The following ZNF124 variants were observed in gnomAD, a reference collection of about 807,000 sequenced individuals.
ZNF124 encodes zinc finger protein 124.
In ZNF124, 25 loss-of-function variants were observed where a neutral mutation model predicts 26.6. The observed-to-expected ratio is 0.94, with a 90% CI of 0.68 to 1.31. The LOEUF is 1.31. Ranked by LOEUF, ZNF124 falls within the 40% of genes most tolerant of loss-of-function variation. The pLI, the probability that ZNF124 is intolerant of heterozygous loss-of-function variation, is 0.00. For synonymous variants in ZNF124, 129 were observed against 133.3 expected (o/e 0.97, Z 0.22); for missense variants, 444 against 422.2 (o/e 1.05, Z -0.45).
rs772161870 is a variant in ZNF124 at position 247,168,820 on chromosome 1, A to G, written c.30+3028T>C. Among the ~76,000 whole-genome samples the G allele has an allele frequency of 1.1e-4, 16 of 152,062 alleles. No individual in the cohort carries two copies. Among genetic ancestry groups the G allele is most frequent in the Non-Finnish European group, 2.1e-4 (14 of 68,020 alleles). Reference sequence around the variant, plus strand: ...AGCTAAGCTATGAGGTTACAAAGGCATAAGAATGATATAATGGACCTTGGT... The same window carrying G: ...AGCTAAGCTATGAGGTTACAAAGGCGTAAGAATGATATAATGGACCTTGGT... On this transcript the variant is annotated intron_variant, in intron 1 of 3. Coordinates refer to ENST00000543802, the MANE Select transcript of ZNF124 (RefSeq NM_001297568.2). This position sits in a 1 kb window ranked among gnomAD's most constrained non-coding sequence, Gnocchi z 4.0.
intron 3 of ZNF124, among the ~76,000 whole-genome samples, chr1:247,137,751 A>G (rs1672521928): frequency 6.6e-6 from 1 of 152,186 alleles, no homozygotes; most frequent in Non-Finnish European, 1.5e-5. Flanking sequence ...AGGAACTTAA[A>G]TATATTTACA....
intron 3 of ZNF124, among the ~76,000 whole-genome samples, chr1:247,127,607 T>C (rs1672239087): frequency 6.9e-6 from 1 of 145,740 alleles, no homozygotes; most frequent in African/African-American, 2.5e-5. Flanking sequence ...TGACCGGTTG[T>C]GTTATCTATA....
At chr1:247,157,458 G>T (rs200466043) in intron 3 of ZNF124, 55 bp from the exon 4 acceptor site, 1 of 1,504,466 alleles carries the variant, frequency 6.6e-7, no homozygotes, top group Non-Finnish European at 9.1e-7. Context: ...GCATTCATGT[G>T]GTTTTACTCT....
rs962739767 is a variant in ZNF124 at position 247,168,328 on chromosome 1, A to C, written c.30+3520T>G. 1.3e-5 allele frequency among the ~76,000 whole-genome samples: 2 copies of C among 152,218 alleles called. No homozygotes were observed. Among genetic ancestry groups the C allele is most frequent in the Admixed American group, 6.5e-5 (1 of 15,286 alleles). On this transcript the variant is annotated intron_variant, in intron 1 of 3. Transcript: ENST00000543802. The surrounding 1 kb of genome is among the most constrained non-coding windows in gnomAD (Gnocchi z 4.0). ...TGGATAACCTGACATCAGGAGTTCG[A>C]TACCAGCCTGGCCAACATGGCAAAA...
intron 3 of ZNF124, chr1:247,138,646 C>A: frequency 2.5e-6 from 1 of 398,168 alleles, no homozygotes; most frequent in South Asian, 1.3e-4. Context: ...ATTCTCCGAT[C>A]AATCACATGG....
chr1:247,146,007 T>A (rs571296042), intron 3 of ZNF124, among the ~76,000 whole-genome samples: 74 of 152,348 alleles, frequency 4.9e-4, no homozygotes, highest in African/African-American at 1.7e-3. Context: ...GGTTTCCTTT[T>A]TTCAGACAGT....
chr1:247,123,078 C>G (rs1339418575), exon 4 of ZNF124: 1 of 152,138 alleles, frequency 6.6e-6, no homozygotes, highest in Non-Finnish European at 1.5e-5. Flanking sequence ...TAAGCATAGA[C>G]AATGTCAGAG....
chr1:247,168,709 A>G lies in ZNF124; in HGVS notation c.30+3139T>C, dbSNP rs1673920828. Among the ~76,000 whole-genome samples, 1 of 152,236 alleles carries G rather than the reference A, an allele frequency of 6.6e-6. No homozygotes were observed. The highest frequency in any genetic ancestry group is 1.5e-5 in the Non-Finnish European group (1 of 68,050). On this transcript the variant is annotated intron_variant, in intron 1 of 3. Coordinates refer to ENST00000543802, the MANE Select transcript of ZNF124 (RefSeq NM_001297568.2). This position sits in a 1 kb window ranked among gnomAD's most constrained non-coding sequence, Gnocchi z 4.0. Reference sequence around the variant, plus strand: ...GAATGAAATAATGGGCTTTGCAGCAACTTGGATGGAAATGGAGGCATTATT... The same window carrying G: ...GAATGAAATAATGGGCTTTGCAGCAGCTTGGATGGAAATGGAGGCATTATT...
intron 1 of ZNF124, among the ~76,000 whole-genome samples, chr1:247,169,658 CG>C (rs1310231922): frequency 1.3e-5 from 2 of 150,558 alleles, no homozygotes; most frequent in African/African-American, 4.9e-5. Context: ...TGCCTCACTG[CG>C]GGGCGGGGTT....
In ZNF124 at chr1:247,157,363, C is replaced by T; in HGVS notation, c.259G>A (p.Glu87Lys). ...SHSGNNPYGC[E>K]ECGKKPCTCK... Reference sequence around the variant, plus strand: ...GTACATGGCTTCTTTCCGCATTCCTCACACCCATATGGGTTGTTTCCAGAA... The same window carrying T: ...GTACATGGCTTCTTTCCGCATTCCTTACACCCATATGGGTTGTTTCCAGAA... The change falls in exon 4 of 4, where the codon GAG becomes AAG. Residue 87 changes from glutamate to lysine, a missense_variant. Glu to Lys is a moderately conservative substitution (Grantham distance 56). Coordinates refer to ENST00000543802, the MANE Select transcript of ZNF124 (RefSeq NM_001297568.2). 4.5e-6 allele frequency: 7 copies of T among 1,554,236 alleles called. No homozygotes were observed. The highest frequency in any genetic ancestry group is 6.1e-6 in the Non-Finnish European group (7 of 1,148,018).
Position 247,157,298 on chromosome 1 carries a change from C to G in ZNF124, c.324G>C (p.Arg108Ser). 1 of 1,602,934 alleles carries G rather than the reference C, an allele frequency of 6.2e-7. No individual in the cohort carries two copies. The highest frequency in any genetic ancestry group is 1.3e-5 in the African/African-American group (1 of 74,818). The stretch of plus-strand genomic sequence containing the variant: ...TGTGCATTACTGTGTCTCTGTGAAC[C>G]CTTGTGACAGAAAGGGAAGTTTTCT... ...QCQKTSLSVT[R>S]VHRDTVMHTG... is the part of the protein sequence containing the mutation. The change falls in exon 4 of 4, where the codon AGG becomes AGC. Residue 108 changes from arginine (R) to serine (S), a missense_variant. Arg to Ser is a moderately radical substitution (Grantham distance 110). Coordinates refer to ENST00000543802, the MANE Select transcript of ZNF124 (RefSeq NM_001297568.2).
downstream of ZNF124, among the ~76,000 whole-genome samples, chr1:247,151,067 G>A (rs1038576383): frequency 1.3e-5 from 2 of 152,016 alleles, no homozygotes; most frequent in African/African-American, 4.8e-5. Flanking sequence ...CAAAATAGAG[G>A]TTATTCAATA....
chr1:247,147,605 C>T (rs1358676851), intron 3 of ZNF124, among the ~76,000 whole-genome samples: 3 of 152,140 alleles, frequency 2.0e-5, no homozygotes, highest in Admixed American at 2.0e-4. Flanking sequence ...TAGACAGGAG[C>T]ACTGAGACAG....
In ZNF124 at chr1:247,156,799, TGGCGTATCTGAA is replaced by T; in HGVS notation, c.811_822del (p.Phe271_Ala274del). 1 of 1,613,996 alleles carries T rather than the reference TGGCGTATCTGAA, an allele frequency of 6.2e-7. No individual in the cohort carries two copies. The highest frequency in any genetic ancestry group is 8.5e-7 in the Non-Finnish European group (1 of 1,179,944). Reference sequence around the variant, plus strand: ...GTTTTCTCGTGTTTCTGAAGGGAACTGGCGTATCTGAAGGCTTTCCCACATTGCTTACATGGA... The same window carrying T: ...GTTTTCTCGTGTTTCTGAAGGGAACTGGCTTTCCCACATTGCTTACATGGA... On this transcript the variant is annotated inframe_deletion, in exon 4 of 4. Transcript: ENST00000543802.
chr1:247,142,833 G>C (rs1015265050), intron 3 of ZNF124, among the ~76,000 whole-genome samples: 1 of 137,342 alleles, frequency 7.3e-6, no homozygotes, highest in African/African-American at 2.9e-5. Flanking sequence ...ATCTAATACA[G>C]GTATTGTCTT....
chr1:247,126,027 G>T (rs1441331330), intron 3 of ZNF124, among the ~76,000 whole-genome samples: 1 of 142,576 alleles, frequency 7.0e-6, no homozygotes, highest in Non-Finnish European at 1.5e-5. Flanking sequence ...ACTTTGGGAG[G>T]CTGAGGTGGG....
At chr1:247,166,378 T>C (rs143410023) in intron 1 of ZNF124, among the ~76,000 whole-genome samples, 5 of 152,226 alleles carry the variant, frequency 3.3e-5, no homozygotes, top group East Asian at 1.9e-4. Context: ...TCCGAAGAAA[T>C]AGAAATCATT....
At chr1:247,164,642 A>G (rs1673675104) in intron 1 of ZNF124, among the ~76,000 whole-genome samples, 1 of 152,324 alleles carries the variant, frequency 6.6e-6, no homozygotes, top group Admixed American at 6.5e-5. Flanking sequence ...ATGGAAAAAC[A>G]TTCCATGCTC....
At chr1:247,169,354 A>C (rs1205808147) in intron 1 of ZNF124, among the ~76,000 whole-genome samples, 1 of 152,190 alleles carries the variant, frequency 6.6e-6, no homozygotes, top group Non-Finnish European at 1.5e-5. Flanking sequence ...CTGTGTGCCT[A>C]AGGTGCAGTT....
Sources: gnomAD v4.1 joint callset for allele counts (sites outside exome capture counted in the v4.1 genomes callset) on GRCh38, gnomAD v4.1.1 for gene constraint, Gnocchi (gnomAD v3.1) non-coding constraint, MANE v1.5 for transcripts, NCBI Gene and HGNC (gene_info 2026-07-23, HGNC 2026-07-21) for gene names.